Variants in UGT2B7 observed in about 807,000 individuals in gnomAD.
UGT2B7 encodes the protein UDP glucuronosyltransferase family 2 member B7, also known as UDP-glucuronosyltransferase 2B7.
UGT2B7 carries 51 observed loss-of-function variants against 51.9 expected under a neutral mutation model. That is an observed-to-expected ratio of 0.98 (90% confidence interval 0.78 to 1.24). The LOEUF (loss-of-function observed/expected upper bound fraction) is 1.24, where lower values mean the gene tolerates loss of function less well. UGT2B7 is among the 50% of genes most tolerant of loss of function. The pLI is 0.00. For missense variants in UGT2B7, 727 were observed against 628.4 expected (o/e 1.16, Z -1.68); for synonymous variants, 225 against 211.6 (o/e 1.06, Z -0.55).
rs562634487 is a variant in UGT2B7 at position 69,106,502 on chromosome 4, C to A, written c.1003-673C>A. Among the ~76,000 whole-genome samples, 4 of 152,180 alleles carry A rather than the reference C, an allele frequency of 2.6e-5. No homozygotes were observed. The South Asian group carries it at 8.3e-4, about 32-fold the overall frequency. The stretch of plus-strand genomic sequence containing the variant: ...ATATTTTCTCTATTCAGCCCATAAT[C>A]AATGGGCATTTAGGTTGATTCCATG... On this transcript the variant is annotated intron_variant, in intron 3 of 5. Coordinates refer to ENST00000305231, the MANE Select transcript of UGT2B7 (RefSeq NM_001074.4).
chr4:69,077,691 T>C (rs1718746314), intron 1 of UGT2B7, among the ~76,000 whole-genome samples: 1 of 152,130 alleles, frequency 6.6e-6, no homozygotes, highest in African/African-American at 2.4e-5. Flanking sequence ...GCTGAGACAG[T>C]GGGGTTTTTC....
At chr4:69,058,216 G>A (rs1047526651) in intron 1 of UGT2B7, among the ~76,000 whole-genome samples, 1 of 152,152 alleles carries the variant, frequency 6.6e-6, no homozygotes, top group Non-Finnish European at 1.5e-5. Context: ...AACCACTGGA[G>A]GGAAGAGACC....
intron 2 of UGT2B7, among the ~76,000 whole-genome samples, chr4:69,100,926 CA>C (rs1719400124): frequency 6.6e-6 from 1 of 151,946 alleles, no homozygotes; most frequent in Non-Finnish European, 1.5e-5. Context: ...ATATTGCTAT[CA>C]GTTTTATAAT....
At chr4:69,069,131 T>C (rs1718543408) in intron 1 of UGT2B7, among the ~76,000 whole-genome samples, 1 of 150,870 alleles carries the variant, frequency 6.6e-6, no homozygotes, top group African/African-American at 2.4e-5. Context: ...CCGGTAGATA[T>C]CAGGTTAGGA....
chr4:69,079,566 CTTA>C (rs1038931004), intron 1 of UGT2B7, among the ~76,000 whole-genome samples: 2 of 152,106 alleles, frequency 1.3e-5, no homozygotes, highest in Non-Finnish European at 2.9e-5. Flanking sequence ...ACTAAGTTTA[CTTA>C]TTATCCTGTG....
intron 2 of UGT2B7, among the ~76,000 whole-genome samples, chr4:69,099,018 C>A (rs1306639845): frequency 6.6e-6 from 1 of 151,798 alleles, no homozygotes; most frequent in African/African-American, 2.4e-5. Flanking sequence ...CAGGTAAGTG[C>A]AGAATTTTCA....
At chr4:69,101,873 A>G (rs1340447600) in intron 2 of UGT2B7, among the ~76,000 whole-genome samples, 1 of 152,186 alleles carries the variant, frequency 6.6e-6, no homozygotes, top group African/African-American at 2.4e-5. Flanking sequence ...TGAGCTACTC[A>G]AAAAAGAGAC....
chr4:69,112,846 AAAAG>A lies in UGT2B7; in HGVS notation c.*114_*117del. 4 of 1,393,560 alleles carry A rather than the reference AAAAG, an allele frequency of 2.9e-6. No individual in the cohort carries two copies. Among genetic ancestry groups the A allele is most frequent in the Non-Finnish European group, 3.8e-6 (4 of 1,060,644 alleles). The allele number at this position is 1,393,560 out of a possible 1,614,324, so 86.3% of individuals were successfully genotyped here. A position where few individuals can be genotyped will look rare whatever the true frequency, so the allele number is the denominator to read the frequency against. ...TCTTTCTTCCTGAGACAAAAAAAAAAAAAGAAAAAAAAATCTTTTCAAAATTTAC... is the reference window on the plus strand; with the variant it reads ...TCTTTCTTCCTGAGACAAAAAAAAAAAAAAAAAAATCTTTTCAAAATTTAC... On this transcript the variant is annotated 3_prime_UTR_variant, in exon 6 of 6. Transcript: ENST00000305231.
intron 1 of UGT2B7, among the ~76,000 whole-genome samples, chr4:69,061,441 C>G (rs1272072760): frequency 6.6e-6 from 1 of 152,198 alleles, no homozygotes; most frequent in Non-Finnish European, 1.5e-5. Context: ...AATGGCAACT[C>G]CACCTTCTAT....
In UGT2B7 at chr4:69,112,700, G is replaced by A. The variant is rs907523630; in HGVS notation, c.1554G>A (p.Lys518=). The A allele has an allele frequency of 1.2e-6, 2 of 1,613,810 alleles. No individual in the cohort carries two copies. The highest frequency in any genetic ancestry group is 8.5e-7 in the Non-Finnish European group (1 of 1,179,838). Residue 518 remains lysine, a synonymous_variant, in exon 6 of 6, where the codon AAG becomes AAA. Transcript: ENST00000305231. The stretch of plus-strand genomic sequence containing the variant: ...AATGTTGTCTGTTTTGTTTCTGGAA[G>A]TTTGCTAGAAAAGCAAAGAAGGGAA... The part of the protein sequence containing the change: ...VTKCCLFCFW[K]FARKAKKGKN...
chr4:69,070,896 A>G (rs1256781154), intron 1 of UGT2B7, among the ~76,000 whole-genome samples: 1 of 152,096 alleles, frequency 6.6e-6, no homozygotes, highest in Non-Finnish European at 1.5e-5. Flanking sequence ...GATGTTTCCA[A>G]TTCATATCCT....
chr4:69,099,514 C>A (rs902915781), intron 2 of UGT2B7, among the ~76,000 whole-genome samples: 6 of 151,868 alleles, frequency 4.0e-5, no homozygotes, highest in African/African-American at 1.4e-4. Context: ...TGCAGGAGGG[C>A]CAGACTGTAA....
At chr4:69,100,122 C>A (rs1719376396) in intron 2 of UGT2B7, among the ~76,000 whole-genome samples, 1 of 151,932 alleles carries the variant, frequency 6.6e-6, no homozygotes, top group African/African-American at 2.4e-5. Context: ...CATAAACATA[C>A]CCTATGAGAG....
At chr4:69,053,769 G>C (rs548173750) in intron 1 of UGT2B7, among the ~76,000 whole-genome samples, 1 of 152,258 alleles carries the variant, frequency 6.6e-6, no homozygotes. Context: ...TTATCAATCA[G>C]TCAGCCGTTG....
chr4:69,065,078 C>G (rs2109865542), intron 1 of UGT2B7, among the ~76,000 whole-genome samples: 1 of 152,236 alleles, frequency 6.6e-6, no homozygotes, highest in East Asian at 1.9e-4. Flanking sequence ...AGTTACTTCA[C>G]TAGCACAATA....
In UGT2B7 at chr4:69,112,463, A is replaced by G; in HGVS notation, c.1317A>G (p.Lys439=). ...LKRVINDPSY[K]ENVMKLSRIQ... ...CTTTATTTTTATCTTTCAGATATAA[A>G]GAGAATGTTATGAAATTATCAAGAA... The change falls in exon 6 of 6, where the codon AAA becomes AAG. Residue 439 remains lysine (K), a synonymous_variant. Transcript: ENST00000305231. 1 of 1,613,308 alleles carries G rather than the reference A, an allele frequency of 6.2e-7. No homozygotes were observed. The highest frequency in any genetic ancestry group is 8.5e-7 in the Non-Finnish European group (1 of 1,179,688).
In UGT2B7 at chr4:69,072,196, G is replaced by A. The variant is rs144844418; in HGVS notation, c.-158-17276G>A. Among the ~76,000 whole-genome samples the A allele has an allele frequency of 3.8e-3, 582 of 152,160 alleles. 2 individuals carry two copies. The highest frequency in any genetic ancestry group is 0.013 in the African/African-American group (559 of 41,558). The stretch of plus-strand genomic sequence containing the variant: ...ATTAAATTCCAAAAATTTCAATATT[G>A]TGCATGTGTCTGTTTCTTTGAGATT... On this transcript the variant is annotated intron_variant, in intron 1 of 5. Transcript: ENST00000502942.
At chr4:69,059,886 C>T (rs1718304792) in intron 1 of UGT2B7, among the ~76,000 whole-genome samples, 1 of 152,214 alleles carries the variant, frequency 6.6e-6, no homozygotes, top group African/African-American at 2.4e-5. Context: ...GGGACATATT[C>T]CAGCAAGTGC....
chr4:69,088,824 T>C (rs973575932), intron 1 of UGT2B7, among the ~76,000 whole-genome samples: 32 of 152,130 alleles, frequency 2.1e-4, no homozygotes, highest in Admixed American at 2.0e-4. Context: ...AAAAGTGGGC[T>C]TCCCAAACCA....
Sources: gnomAD v4.1 joint callset for allele counts (sites outside exome capture counted in the v4.1 genomes callset) on GRCh38, gnomAD v4.1.1 for gene constraint, MANE v1.5 for transcripts, NCBI Gene and HGNC (gene_info 2026-07-23, HGNC 2026-07-21) for gene names.